The following ZMAT4 variants were observed in gnomAD, a reference collection of about 807,000 sequenced individuals.
ZMAT4 encodes zinc finger matrin-type 4, also known as zinc finger matrin-type protein 4.
In ZMAT4, 17 loss-of-function variants were observed where a neutral mutation model predicts 28.7. The ratio of observed to expected loss-of-function variants is 0.59; its 90% CI spans 0.41 to 0.89. The LOEUF is 0.89. Ranked by LOEUF, ZMAT4 falls within the 40% of genes least tolerant of loss-of-function variation. The pLI is 0.00. For synonymous variants in ZMAT4, 117 were observed against 109.2 expected (o/e 1.07, Z -0.44); for missense variants, 240 against 283.8 (o/e 0.85, Z 1.11).
intron 1 of ZMAT4, among the ~76,000 whole-genome samples, chr8:40,865,830 C>A (rs958080053): frequency 2.6e-5 from 4 of 152,190 alleles, no homozygotes; most frequent in Admixed American, 1.3e-4. Flanking sequence ...TCTTTCTTCC[C>A]CCCGCCATTT....
Position 40,880,085 on chromosome 8 carries a change from CG to C in ZMAT4, c.-5+17597del, listed in dbSNP as rs200048323. 4.6e-5 allele frequency among the ~76,000 whole-genome samples: 7 copies of C among 152,168 alleles called. No homozygotes were observed. In the East Asian group the frequency reaches 1.4e-3, roughly 29 times the overall value. ...AACTAAATCAAAAGGTGCAGAAATC[CG>C]GCCAGGCATGGTGGCCCACACCTAT... On this transcript the variant is annotated intron_variant, in intron 1 of 6. Coordinates refer to ENST00000297737, the MANE Select transcript of ZMAT4 (RefSeq NM_024645.3).
chr8:40,592,132 C>A (rs926585984), intron 5 of ZMAT4, among the ~76,000 whole-genome samples: 1 of 152,068 alleles, frequency 6.6e-6, no homozygotes, highest in African/African-American at 2.4e-5. Context: ...CAGTTAGTTT[C>A]CCATCAAATT....
At chr8:40,893,913 A>C (rs1818781308) in intron 1 of ZMAT4, among the ~76,000 whole-genome samples, 1 of 152,218 alleles carries the variant, frequency 6.6e-6, no homozygotes, top group African/African-American at 2.4e-5. Context: ...GAGAACATAC[A>C]CACATCTTTG....
intron 1 of ZMAT4, among the ~76,000 whole-genome samples, chr8:40,884,337 C>T (rs889734862): frequency 7.9e-5 from 12 of 152,178 alleles, no homozygotes; most frequent in Non-Finnish European, 1.3e-4. Flanking sequence ...TGGCCCATTT[C>T]CATCCAATAC....
At chr8:40,598,200 G>C (rs1563357916) in intron 5 of ZMAT4, among the ~76,000 whole-genome samples, 1 of 152,082 alleles carries the variant, frequency 6.6e-6, no homozygotes, top group Non-Finnish European at 1.5e-5. Context: ...TATTTTGTTT[G>C]TTTGTTTGCT....
chr8:40,596,681 T>C (rs1318540153), intron 5 of ZMAT4, among the ~76,000 whole-genome samples: 2 of 152,226 alleles, frequency 1.3e-5, no homozygotes, highest in South Asian at 2.1e-4. Flanking sequence ...GGTGCATGAC[T>C]GTATATGTCT....
At chr8:40,784,221 T>C (rs914640391) in intron 2 of ZMAT4, among the ~76,000 whole-genome samples, 2 of 152,182 alleles carry the variant, frequency 1.3e-5, no homozygotes, top group Non-Finnish European at 2.9e-5. Context: ...TAAAATAATA[T>C]ATCATGATCA....
intron 3 of ZMAT4, among the ~76,000 whole-genome samples, chr8:40,727,415 A>G (rs1429099574): frequency 6.6e-6 from 1 of 152,214 alleles, no homozygotes; most frequent in Non-Finnish European, 1.5e-5. Flanking sequence ...TCCATGGATT[A>G]AACCAATGAC....
At chr8:40,661,249 C>T (rs1284582660) in intron 5 of ZMAT4, among the ~76,000 whole-genome samples, 5 of 152,132 alleles carry the variant, frequency 3.3e-5, no homozygotes, top group African/African-American at 7.2e-5. Flanking sequence ...TATAGACATG[C>T]ACACTATACC....
chr8:40,581,474 G>A (rs1285010555), intron 5 of ZMAT4, among the ~76,000 whole-genome samples: 1 of 152,138 alleles, frequency 6.6e-6, no homozygotes, highest in African/African-American at 2.4e-5. Context: ...TTCATTTCTG[G>A]AAGGCTTAAA....
At chr8:40,810,599 T>C (rs970307196) in intron 2 of ZMAT4, among the ~76,000 whole-genome samples, 13 of 152,174 alleles carry the variant, frequency 8.5e-5, no homozygotes, top group Admixed American at 4.6e-4. Context: ...AATATGAATA[T>C]GAAAAATGGA....
intron 2 of ZMAT4, among the ~76,000 whole-genome samples, chr8:40,778,761 T>C (rs1376758424): frequency 1.3e-5 from 2 of 152,174 alleles, no homozygotes; most frequent in Non-Finnish European, 2.9e-5. Flanking sequence ...AATTTTTCTA[T>C]TTGCTTACTC....
chr8:40,548,565 T>G (rs1213699900), intron 6 of ZMAT4, among the ~76,000 whole-genome samples: 2 of 152,196 alleles, frequency 1.3e-5, no homozygotes, highest in Non-Finnish European at 1.5e-5. Context: ...TTCTTAGAGA[T>G]TCTGATGATT....
intron 6 of ZMAT4, among the ~76,000 whole-genome samples, chr8:40,543,339 T>C (rs1803102029): frequency 1.3e-5 from 2 of 152,120 alleles, no homozygotes; most frequent in Admixed American, 6.5e-5. Context: ...GGCATCCAGG[T>C]CTGGACGAAT....
At chr8:40,766,872 G>T (rs1373656039) in intron 3 of ZMAT4, among the ~76,000 whole-genome samples, 1 of 152,216 alleles carries the variant, frequency 6.6e-6, no homozygotes, top group African/African-American at 2.4e-5. Context: ...AAGATCACAA[G>T]CACACGGATG....
intron 1 of ZMAT4, among the ~76,000 whole-genome samples, chr8:40,861,016 C>T (rs1817470316): frequency 6.6e-6 from 1 of 152,210 alleles, no homozygotes; most frequent in African/African-American, 2.4e-5. Flanking sequence ...CTGACCACCC[C>T]TCCTAATCTA....
chr8:40,559,499 C>T lies in ZMAT4; in HGVS notation c.674+21666G>A, dbSNP rs187066938. Among the ~76,000 whole-genome samples the T allele has an allele frequency of 2.0e-5, 3 of 152,204 alleles. No individual in the cohort carries two copies. In the East Asian group the frequency reaches 5.8e-4, roughly 29 times the overall value. ...TAACCTGTTAAATATGTGTACTTGGCCAACTTGTTTAGCACAAATCCTTGT... is the reference window on the plus strand; with the variant it reads ...TAACCTGTTAAATATGTGTACTTGGTCAACTTGTTTAGCACAAATCCTTGT... On this transcript the variant is annotated intron_variant, in intron 6 of 6. Coordinates refer to ENST00000297737, the MANE Select transcript of ZMAT4 (RefSeq NM_024645.3).
At chr8:40,606,238 G>GT (rs1805575329) in intron 5 of ZMAT4, among the ~76,000 whole-genome samples, 2 of 152,000 alleles carry the variant, frequency 1.3e-5, no homozygotes, top group South Asian at 2.1e-4. Flanking sequence ...TGAATACTTT[G>GT]TTTTTTCCTT....
chr8:40,642,961 T>C (rs573016634), intron 5 of ZMAT4, among the ~76,000 whole-genome samples: 8 of 152,364 alleles, frequency 5.3e-5, no homozygotes, highest in Admixed American at 3.9e-4. Context: ...TCAAACCTTA[T>C]CTACTTGTTC....
Sources: gnomAD v4.1 joint callset for allele counts (sites outside exome capture counted in the v4.1 genomes callset) on GRCh38, gnomAD v4.1.1 for gene constraint, MANE v1.5 for transcripts, NCBI Gene and HGNC (gene_info 2026-07-23, HGNC 2026-07-21) for gene names.